The following PPM1L variants were observed in gnomAD, a reference collection of about 807,000 sequenced individuals.
PPM1L encodes the protein protein phosphatase 1L.
PPM1L carries 13 observed loss-of-function variants against 31.4 expected under a neutral mutation model. That is an observed-to-expected ratio of 0.41 (90% CI 0.27 to 0.66). The LOEUF (loss-of-function observed/expected upper bound fraction) is 0.66, where lower values mean the gene tolerates loss of function less well. PPM1L is among the 30% of genes least tolerant of loss of function. The probability of loss-of-function intolerance (pLI) is 0.29; values close to 1 mark genes in which losing one functional copy is unlikely to be tolerated. For missense variants in PPM1L, 326 were observed against 453.7 expected (o/e 0.72, Z 2.56); for synonymous variants, 184 against 175.4 (o/e 1.05, Z -0.39).
At position 161,070,446 on chromosome 3, in the gene PPM1L, C is replaced by G. The variant is rs1719872013; in HGVS notation, c.*1289C>G. The stretch of plus-strand genomic sequence containing the variant: ...CAGGGGAGGCAGCAAAGGGACCTGG[C>G]AGTTGCAACACAGTAAGTCAGGAAT... On this transcript the variant is annotated 3_prime_UTR_variant, in exon 4 of 4. Transcript: ENST00000498165. The G allele has an allele frequency of 6.6e-6, 1 of 152,220 alleles. No homozygotes were observed. Among genetic ancestry groups the G allele is most frequent in the Admixed American group, 6.5e-5 (1 of 15,284 alleles). 9.4% of individuals were successfully genotyped at this position (152,220 alleles called of 1,614,324 possible).
intron 2 of PPM1L, among the ~76,000 whole-genome samples, chr3:161,034,115 A>T (rs1053565317): frequency 2.6e-5 from 4 of 152,270 alleles, no homozygotes; most frequent in African/African-American, 9.6e-5. Flanking sequence ...ACTGGTCATT[A>T]GAGAAATGCA....
At position 161,064,657 on chromosome 3, in the gene PPM1L, T is replaced by C. The variant is rs554389646; in HGVS notation, c.575-746T>C. ...CCAACTAGACCAGACCGTTCAACTC[T>C]GTTTGCTTTTATCCATTCCCATGTC... is the stretch of plus-strand genomic sequence containing the variant. On this transcript the variant is annotated intron_variant, in intron 2 of 3. Transcript: ENST00000498165. 3.3e-5 allele frequency among the ~76,000 whole-genome samples: 5 copies of C among 152,316 alleles called. No homozygotes were observed. The East Asian group carries it at 9.7e-4, about 29-fold the overall frequency.
At chr3:160,876,353 GT>G (rs1712511270) in intron 1 of PPM1L, among the ~76,000 whole-genome samples, 1 of 152,206 alleles carries the variant, frequency 6.6e-6, no homozygotes, top group South Asian at 2.1e-4. Flanking sequence ...ACTTGTTAGT[GT>G]GGAATGATGG....
intron 1 of PPM1L, among the ~76,000 whole-genome samples, chr3:160,820,294 A>G (rs1187131655): frequency 3.3e-5 from 5 of 152,116 alleles, no homozygotes; most frequent in South Asian, 2.1e-4. Context: ...ATTTGCTTTC[A>G]TGCTTTCAAC....
At chr3:161,042,267 A>G (rs1055786528) in intron 2 of PPM1L, among the ~76,000 whole-genome samples, 4 of 152,194 alleles carry the variant, frequency 2.6e-5, no homozygotes, top group African/African-American at 9.7e-5. Context: ...TTTGTTTCTG[A>G]GTTCACAACA....
At chr3:160,998,665 G>A (rs778655) in intron 2 of PPM1L, among the ~76,000 whole-genome samples, 33,457 of 151,966 alleles carry the variant, frequency 0.22, 3,992 homozygotes, top group South Asian at 0.3. Flanking sequence ...GTAAATAAAT[G>A]TATTGGCAAT....
chr3:160,791,553 G>C (rs977224880), intron 1 of PPM1L, among the ~76,000 whole-genome samples: 5 of 152,094 alleles, frequency 3.3e-5, no homozygotes, highest in Non-Finnish European at 7.4e-5. Context: ...AGCACTTGCT[G>C]TGTGACAGGT....
intron 1 of PPM1L, among the ~76,000 whole-genome samples, chr3:160,927,422 TAAA>T (rs956514056): frequency 6.6e-6 from 1 of 151,610 alleles, no homozygotes; most frequent in African/African-American, 2.4e-5. Flanking sequence ...ATTTAAGGTC[TAAA>T]AAAAAACCCT....
chr3:160,832,244 A>C (rs1713543637), intron 1 of PPM1L, among the ~76,000 whole-genome samples: 1 of 152,178 alleles, frequency 6.6e-6, no homozygotes, highest in Non-Finnish European at 1.5e-5. Flanking sequence ...GAGAAGAAAC[A>C]GGACTCTGCT....
At chr3:161,043,088 G>A (rs1718958716) in intron 2 of PPM1L, among the ~76,000 whole-genome samples, 2 of 150,574 alleles carry the variant, frequency 1.3e-5, no homozygotes. Context: ...CATTTGCCTG[G>A]AAAATAGACT....
rs200476566 is a variant in PPM1L at position 160,961,717 on chromosome 3, C to T, written c.400-19C>T. On this transcript the variant is annotated intron_variant, in intron 1 of 3. Transcript: ENST00000498165. ...GAATTTCTAATGGAGTTCTCTCTCT[C>T]TGACTGTTTTATCTGCAGACTGCAG... 1.4e-4 allele frequency: 220 copies of T among 1,566,850 alleles called. No individual in the cohort carries two copies. Among genetic ancestry groups the T allele is most frequent in the Non-Finnish European group, 1.7e-4 (202 of 1,163,796 alleles).
chr3:160,840,523 A>G (rs1228373491), intron 1 of PPM1L, among the ~76,000 whole-genome samples: 1 of 152,104 alleles, frequency 6.6e-6, no homozygotes, highest in Non-Finnish European at 1.5e-5. Flanking sequence ...GACGGCATGC[A>G]AGCTGAAGAA....
At chr3:161,057,075 A>C (rs1719434213) in intron 2 of PPM1L, among the ~76,000 whole-genome samples, 1 of 152,116 alleles carries the variant, frequency 6.6e-6, no homozygotes, top group Non-Finnish European at 1.5e-5. Context: ...AAAAATAAAA[A>C]AGAATACAGC....
At chr3:160,898,308 T>C (rs1324022837) in intron 1 of PPM1L, among the ~76,000 whole-genome samples, 1 of 152,152 alleles carries the variant, frequency 6.6e-6, no homozygotes, top group Non-Finnish European at 1.5e-5. Flanking sequence ...TCATAACTAT[T>C]TGGAGGCCTT....
rs1025349191 is a variant in PPM1L at position 160,915,344 on chromosome 3, C to G, written c.400-46392C>G. On this transcript the variant is annotated intron_variant, in intron 1 of 3. Coordinates refer to ENST00000498165, the MANE Select transcript of PPM1L (RefSeq NM_139245.4). ...GAGAATAAAATACCTAGGAATCCAA[C>G]TTACAAGGGACGTGAAGGACCTCTT... is the stretch of plus-strand genomic sequence containing the variant. Among the ~76,000 whole-genome samples, 159 of 152,242 alleles carry G rather than the reference C, an allele frequency of 1.0e-3. 1 individual carries two copies. Among genetic ancestry groups the G allele is most frequent in the African/African-American group, 3.8e-3 (158 of 41,536 alleles).
intron 2 of PPM1L, among the ~76,000 whole-genome samples, chr3:160,969,883 AT>A (rs1210945789): frequency 6.6e-6 from 1 of 152,178 alleles, no homozygotes; most frequent in African/African-American, 2.4e-5. Flanking sequence ...ACTTTAGAAC[AT>A]TTTTTAAACG....
chr3:160,796,697 C>G (rs543487744), intron 1 of PPM1L, among the ~76,000 whole-genome samples: 25 of 152,194 alleles, frequency 1.6e-4, no homozygotes, highest in Non-Finnish European at 3.1e-4. Flanking sequence ...TGATTCTCCC[C>G]TTTACTAGCT....
chr3:160,860,777 G>T (rs1024631730), intron 1 of PPM1L, among the ~76,000 whole-genome samples: 6 of 152,290 alleles, frequency 3.9e-5, no homozygotes, highest in Admixed American at 2.6e-4. Flanking sequence ...GTCTGATGAG[G>T]TTCCTCTTCC....
At chr3:160,877,619 AAGG>A (rs1242471967) in intron 1 of PPM1L, among the ~76,000 whole-genome samples, 5 of 152,200 alleles carry the variant, frequency 3.3e-5, no homozygotes. Flanking sequence ...AAGAAAGAGA[AAGG>A]AGAACAGCTC....
Sources: gnomAD v4.1 joint callset for allele counts (sites outside exome capture counted in the v4.1 genomes callset) on GRCh38, gnomAD v4.1.1 for gene constraint, MANE v1.5 for transcripts, NCBI Gene and HGNC (gene_info 2026-07-23, HGNC 2026-07-21) for gene names.